The following ZFHX3 variants were observed in gnomAD, a reference collection of about 807,000 sequenced individuals.
ZFHX3 encodes zinc finger homeobox protein 3.
A neutral mutation model predicts 279.1 loss-of-function variants in ZFHX3; 42 were observed. That is an observed-to-expected ratio of 0.15 (90% CI 0.12 to 0.19). The LOEUF (loss-of-function observed/expected upper bound fraction) is 0.19, where lower values mean the gene tolerates loss of function less well. ZFHX3 is among the 10% of genes least tolerant of loss of function. The probability of loss-of-function intolerance (pLI) is 1.00; values close to 1 mark genes in which losing one functional copy is unlikely to be tolerated. For synonymous variants in ZFHX3, 2,293 were observed against 1,957.8 expected (o/e 1.17, Z -4.52); for missense variants, 4,981 against 4,754.0 (o/e 1.05, Z -1.40).
chr16:73,624,102 C>T (rs184156143), intron 2 of ZFHX3, among the ~76,000 whole-genome samples: 37 of 152,242 alleles, frequency 2.4e-4, no homozygotes, highest in African/African-American at 8.2e-4. Flanking sequence ...ATTTTTTAAG[C>T]TCATATCCTA....
chr16:73,251,414 T>C (rs2013483677), intron 5 of ZFHX3, among the ~76,000 whole-genome samples: 1 of 152,174 alleles, frequency 6.6e-6, no homozygotes, highest in Non-Finnish European at 1.5e-5. Flanking sequence ...TCTAAATCTG[T>C]TACGTGTATT....
intron 7 of ZFHX3, chr16:72,807,123 A>T (rs1186616644): frequency 3.9e-5 from 6 of 152,194 alleles, no homozygotes; most frequent in Non-Finnish European, 8.8e-5. Flanking sequence ...GAATGGGAAA[A>T]TAAGGGCACC....
intron 2 of ZFHX3, among the ~76,000 whole-genome samples, chr16:73,619,160 T>A (rs761578932): frequency 6.6e-6 from 1 of 152,056 alleles, no homozygotes; most frequent in Non-Finnish European, 1.5e-5. Context: ...GCTATATAAA[T>A]GTTAATAAAA....
intron 8 of ZFHX3, among the ~76,000 whole-genome samples, chr16:73,069,486 T>G (rs955310705): frequency 2.0e-5 from 3 of 152,128 alleles, no homozygotes; most frequent in Non-Finnish European, 4.4e-5. Flanking sequence ...ACACCCAAAT[T>G]AGCCATGCAG....
chr16:73,210,302 C>T (rs1000154068), intron 5 of ZFHX3, among the ~76,000 whole-genome samples: 2 of 152,140 alleles, frequency 1.3e-5, no homozygotes, highest in African/African-American at 4.8e-5. Context: ...CCTCCCCATA[C>T]AAACGGCAAG....
chr16:73,619,500 T>TATATATATATATA (rs34326004), intron 2 of ZFHX3, among the ~76,000 whole-genome samples: 14 of 131,744 alleles, frequency 1.1e-4, no homozygotes, highest in African/African-American at 3.9e-4. Context: ...AAAAAAAAAA[T>TATATATATATATA]TATATATATA....
chr16:72,839,141 G>A (rs2037278817), intron 4 of ZFHX3, among the ~76,000 whole-genome samples: 1 of 152,060 alleles, frequency 6.6e-6, no homozygotes, highest in South Asian at 2.1e-4. Flanking sequence ...GTAGCAGAGC[G>A]TGATGTGATT....
intron 1 of ZFHX3, 27 bp from the exon 2 acceptor site, chr16:72,960,221 A>G (rs1597020570): frequency 6.9e-7 from 1 of 1,456,870 alleles, no homozygotes; most frequent in Non-Finnish European, 9.1e-7. Flanking sequence ...AGGGGGGAGG[A>G]GGGAGAGAGG....
intron 3 of ZFHX3, among the ~76,000 whole-genome samples, chr16:73,363,692 A>G (rs1452064447): frequency 6.6e-6 from 1 of 152,184 alleles, no homozygotes; most frequent in Non-Finnish European, 1.5e-5. Flanking sequence ...ATTTTAAAGC[A>G]TCTGTGAGCT....
chr16:73,780,266 G>C (rs1050593906), intron 1 of ZFHX3, among the ~76,000 whole-genome samples: 2 of 150,802 alleles, frequency 1.3e-5, no homozygotes, highest in African/African-American at 4.9e-5. Context: ...TTGTGCCTCA[G>C]CCTCCTGAGT....
intron 1 of ZFHX3, among the ~76,000 whole-genome samples, chr16:72,972,610 G>A (rs1425734729): frequency 1.3e-5 from 2 of 152,328 alleles, no homozygotes; most frequent in South Asian, 4.1e-4. Context: ...GAAGGGCTGG[G>A]TATCTGCTCC....
chr16:72,811,395 C>T (rs1013100756), intron 7 of ZFHX3, among the ~76,000 whole-genome samples, 182 bp downstream of exon 7: 1 of 152,160 alleles, frequency 6.6e-6, no homozygotes, highest in African/African-American at 2.4e-5. Flanking sequence ...GCACTTTGGG[C>T]TATGGTCATG....
chr16:73,117,319 T>C (rs1966444397), intron 7 of ZFHX3, among the ~76,000 whole-genome samples: 1 of 152,236 alleles, frequency 6.6e-6, no homozygotes, highest in Admixed American at 6.5e-5. Flanking sequence ...TATGATTTAG[T>C]TATACATAAA....
At chr16:73,237,266 A>G (rs970596971) in intron 5 of ZFHX3, among the ~76,000 whole-genome samples, 2 of 152,144 alleles carry the variant, frequency 1.3e-5, no homozygotes, top group Admixed American at 6.5e-5. Context: ...AAAAAATAAA[A>G]TTCTTTAGAG....
At chr16:73,078,047 C>T (rs913383218) in intron 8 of ZFHX3, among the ~76,000 whole-genome samples, 3 of 152,166 alleles carry the variant, frequency 2.0e-5, no homozygotes, top group Non-Finnish European at 4.4e-5. Flanking sequence ...TTGGGTGGTC[C>T]ACCTGCTTCG....
intron 4 of ZFHX3, among the ~76,000 whole-genome samples, chr16:73,302,233 T>C (rs1264757536): frequency 6.6e-6 from 1 of 152,104 alleles, no homozygotes. Context: ...TGTATCTTTT[T>C]CCCTTCCTCC....
chr16:73,769,968 T>C (rs2053999322), intron 1 of ZFHX3, among the ~76,000 whole-genome samples: 1 of 152,230 alleles, frequency 6.6e-6, no homozygotes, highest in Admixed American at 6.5e-5. Context: ...ATTATCATAG[T>C]GCACTCAGAT....
chr16:73,647,002 G>T (rs2052623887), intron 2 of ZFHX3, among the ~76,000 whole-genome samples: 1 of 145,926 alleles, frequency 6.9e-6, no homozygotes, highest in African/African-American at 2.5e-5. Flanking sequence ...GGCAGTACTC[G>T]TTGTGCCAAC....
rs376117920 is a variant in ZFHX3, at chr16:73,130,967, C to A, written c.-897+1G>T. On this transcript the variant is annotated splice_donor_variant, in intron 7 of 17. Coordinates refer to the ZFHX3 transcript ENST00000641206. LOFTEE classifies it low-confidence loss of function (5UTR_SPLICE). The stretch of plus-strand genomic sequence containing the variant: ...GGCACTATAAGACATTTGTCACCAA[C>A]CTCTATGCAACTGCCGCTTTGTGCC... 2 of 1,305,000 alleles carry A rather than the reference C, an allele frequency of 1.5e-6. No homozygotes were observed. Among genetic ancestry groups the A allele is most frequent in the East Asian group, 5.6e-5 (1 of 17,998 alleles). 80.8% of individuals were successfully genotyped at this position (1,305,000 alleles called of 1,614,324 possible). A position where few individuals can be genotyped will look rare whatever the true frequency, so the allele number is the denominator to read the frequency against.
Sources: allele counts gnomAD v4.1 joint callset (sites outside exome capture counted in the v4.1 genomes callset), GRCh38; gene constraint gnomAD v4.1.1; transcripts MANE v1.5; gene names NCBI Gene and HGNC (gene_info 2026-07-23, HGNC 2026-07-21).